CHD8: variants seen among roughly 807,000 people sequenced by gnomAD.
The protein encoded by CHD8 is ATP-dependent chromatin remodeler CHD8.
CHD8 carries 31 observed loss-of-function variants against 279.2 expected under a neutral mutation model. That is an observed-to-expected ratio of 0.11 (90% confidence interval 0.08 to 0.15). The LOEUF is 0.15. CHD8 is among the 10% of genes least tolerant of loss of function. The probability of loss-of-function intolerance (pLI) is 1.00; values close to 1 mark genes in which losing one functional copy is unlikely to be tolerated. For synonymous variants in CHD8, 1,081 were observed against 1,139.6 expected, an observed-to-expected ratio of 0.95 and a Z score of 1.04; for missense variants, 2,146 against 3,230.5, an observed-to-expected ratio of 0.66 and a Z score of 8.14.
At position 21,400,937 on chromosome 14, in the gene CHD8, G is replaced by C. The variant is rs114613223; in HGVS notation, c.4308C>G (p.Asp1436Glu). 2 of 1,613,856 alleles carry C rather than the reference G, an allele frequency of 1.2e-6. No homozygotes were observed. Among genetic ancestry groups the C allele is most frequent in the Admixed American group, 3.3e-5 (2 of 59,998 alleles). ...DDERPRSRRH[D>E]RHHAYGRTDC... ...CAGTGCGCCCATAGGCATGATGACGGTCATGTCTGCGGGAGCGTGGCCGCT... is the reference window on the plus strand; with the variant it reads ...CAGTGCGCCCATAGGCATGATGACGCTCATGTCTGCGGGAGCGTGGCCGCT... Residue 1436 changes from aspartate to glutamate, a missense_variant, in exon 22 of 38, where the codon GAC (aspartate) becomes GAG (glutamate). Physicochemically the swap from Asp to Glu is conservative, Grantham distance 45. Around this residue, in one of 26 missense-constraint regions of CHD8, gnomAD observed 74 missense variants for 91.5 expected, o/e 0.81. Transcript: ENST00000646647. This position sits in a 1 kb window ranked among gnomAD's most constrained non-coding sequence, Gnocchi z 4.2.
rs1890259719 is a variant in CHD8, at chr14:21,451,630, T to TCTATGC, written c.-216+4396_-216+4401dup. Among the ~76,000 whole-genome samples, 3 of 148,640 alleles carry TCTATGC rather than the reference T, an allele frequency of 2.0e-5. No homozygotes were observed. The South Asian group carries it at 6.6e-4, about 33-fold the overall frequency. On this transcript the variant is annotated intron_variant, in intron 1 of 37. Transcript: ENST00000646647. ...ATTATCTATGCCAGGCTAATTTCTA[T>TCTATGC]CTATGCCTGCTGGAATTTTTATTAT...
At chr14:21,436,940 C>G (rs962977815) in intron 1 of CHD8, 2 of 1,288,170 alleles carry the variant, frequency 1.6e-6, no homozygotes, top group Non-Finnish European at 2.0e-6. Flanking sequence ...AAGGTCCATA[C>G]AGCAGAGGCG....
chr14:21,401,921 T>C (rs1888056870), intron 20 of CHD8, 36 bp downstream of exon 20: 1 of 1,547,834 alleles, frequency 6.5e-7, no homozygotes, highest in Non-Finnish European at 8.8e-7. Flanking sequence ...TTCCGGTCTC[T>C]GTGTTTTTCT....
intron 1 of CHD8, chr14:21,437,212 G>GC (rs982523970): frequency 8.5e-7 from 1 of 1,182,088 alleles, no homozygotes; most frequent in African/African-American, 1.6e-5. Flanking sequence ...GCTGTGGGGG[G>GC]CCGGTTCGCC....
At chr14:21,451,170 A>G in intron 1 of CHD8, among the ~76,000 whole-genome samples, 1 of 152,164 alleles carries the variant, frequency 6.6e-6, no homozygotes, top group East Asian at 1.9e-4. Flanking sequence ...AGAATATACT[A>G]CAGGAAAATC....
rs978795164 is a variant in CHD8 at position 21,393,688 on chromosome 14, G to C, written c.6107C>G (p.Pro2036Arg). The C allele has an allele frequency of 1.9e-6, 3 of 1,614,000 alleles. No homozygotes were observed. The highest frequency in any genetic ancestry group is 1.7e-6 in the Non-Finnish European group (2 of 1,179,888). Residue 2036 changes from proline to arginine, a missense_variant, in exon 32 of 38, where the codon CCA becomes CGA. By Grantham distance (103) the Pro-to-Arg change is moderately radical (BLOSUM62 -2). Coordinates refer to ENST00000646647, the MANE Select transcript of CHD8 (RefSeq NM_001170629.2). Reference protein sequence around the residue: ...LEHEVVARSRPTPQDYEMRVS... With the variant: ...LEHEVVARSRRTPQDYEMRVS... ...TCGCATCTCATAGTCTTGTGGGGTT[G>C]GTCGGCTCCTGGCCACCACCTCGTG...
intron 3 of CHD8, 93 bp downstream of exon 3, chr14:21,428,871 C>G: frequency 8.8e-7 from 1 of 1,129,948 alleles, no homozygotes. Context: ...TCTAGAATGG[C>G]CCCACATTCA....
At chr14:21,392,991 T>A in intron 33 of CHD8, 115 bp downstream of exon 33, 1 of 1,259,180 alleles carries the variant, frequency 7.9e-7, no homozygotes, top group Non-Finnish European at 1.1e-6. Context: ...AAAAAAAAAC[T>A]TGCAGCAATA....
rs200436134 is a variant in CHD8 at position 21,408,860 on chromosome 14, G to A, written c.2365-35C>T. The A allele has an allele frequency of 1.6e-4, 252 of 1,585,834 alleles. 1 individual carries two copies. The highest frequency in any genetic ancestry group is 2.1e-4 in the Non-Finnish European group (240 of 1,165,456). On this transcript the variant is annotated intron_variant, in intron 11 of 37. Coordinates refer to ENST00000646647, the MANE Select transcript of CHD8 (RefSeq NM_001170629.2). This position sits in a 1 kb window ranked among gnomAD's most constrained non-coding sequence, Gnocchi z 4.3. ...AAGACGTTTGAATAAATGGAGTGGA[G>A]ACATTATCAAAAGGTAAGACTTACT... is the stretch of plus-strand genomic sequence containing the variant.
chr14:21,390,705 C>A (rs563946837), intron 37 of CHD8, among the ~76,000 whole-genome samples: 1 of 148,536 alleles, frequency 6.7e-6, no homozygotes, highest in African/African-American at 2.5e-5. Context: ...TTGAACCCGG[C>A]GGGCGGAGGT....
At chr14:21,426,399 A>G (rs1192023396) in intron 4 of CHD8, 157 bp from the exon 5 acceptor site, 2 of 584,930 alleles carry the variant, frequency 3.4e-6, no homozygotes, top group Admixed American at 3.2e-5. Flanking sequence ...TGGTGTTTGA[A>G]AAAAAGAAGA....
intron 5 of CHD8, among the ~76,000 whole-genome samples, chr14:21,419,114 C>T (rs1188492697): frequency 6.6e-6 from 1 of 152,152 alleles, no homozygotes; most frequent in Non-Finnish European, 1.5e-5. Context: ...TAGAGAATAA[C>T]AATTTCTAGA....
At chr14:21,443,868 A>AC (rs1566455021) in intron 1 of CHD8, among the ~76,000 whole-genome samples, 4 of 151,680 alleles carry the variant, frequency 2.6e-5, no homozygotes, top group African/African-American at 7.3e-5. Flanking sequence ...AAAAAAAAAA[A>AC]AAAAAAAAAA....
chr14:21,385,262 T>C lies in CHD8; in HGVS notation c.*351A>G, dbSNP rs767858164. On this transcript the variant is annotated 3_prime_UTR_variant, in exon 38 of 38. Transcript: ENST00000646647. ...AGGTAACAGTTCCTGACCCTCCAGCTGTATCCACAGTTCGGCCAGGAACAG... is the reference window on the plus strand; with the variant it reads ...AGGTAACAGTTCCTGACCCTCCAGCCGTATCCACAGTTCGGCCAGGAACAG... 17 of 267,140 alleles carry C rather than the reference T, an allele frequency of 6.4e-5. No individual in the cohort carries two copies. The highest frequency in any genetic ancestry group is 9.2e-5 in the Non-Finnish European group (13 of 140,886). 16.5% of individuals were successfully genotyped at this position (267,140 alleles called of 1,614,324 possible).
rs778721199 is a variant in CHD8 at position 21,431,637 on chromosome 14, C to T, written c.7G>A (p.Asp3Asn). Reference protein sequence around the residue: MADPIMDLFDDPN... With the variant: MANPIMDLFDDPN... Reference sequence around the variant, plus strand: ...TCATCGAACAGATCCATGATGGGGTCTGCCATCTTGGGAAAGTAATGGAGG... The same window carrying T: ...TCATCGAACAGATCCATGATGGGGTTTGCCATCTTGGGAAAGTAATGGAGG... Residue 3 changes from aspartate (D) to asparagine (N), a missense_variant, in exon 2 of 38, where the codon GAC becomes AAC. Asp to Asn is a conservative substitution (Grantham distance 23, BLOSUM62 1). Around this residue, in one of 26 missense-constraint regions of CHD8, gnomAD observed 302 missense variants for 325.5 expected, o/e 0.93. Coordinates refer to ENST00000646647, the MANE Select transcript of CHD8 (RefSeq NM_001170629.2). 6.5e-7 allele frequency: 1 copy of T among 1,541,554 alleles called. No homozygotes were observed. Among genetic ancestry groups the T allele is most frequent in the Non-Finnish European group, 8.7e-7 (1 of 1,147,278 alleles).
In CHD8 at chr14:21,405,834, A is replaced by G. The variant is rs763485934; in HGVS notation, c.2938T>C (p.Leu980=). 2 of 1,613,828 alleles carry G rather than the reference A, an allele frequency of 1.2e-6. No homozygotes were observed. The highest frequency in any genetic ancestry group is 2.2e-5 in the East Asian group (1 of 44,874). ...EHKVLLTGTP[L]QNTVEELFSL... ...AACAGTTCTTCTACAGTATTTTGCAATGGTGTTCCTGTGAGTAGCACCTTG... is the reference window on the plus strand; with the variant it reads ...AACAGTTCTTCTACAGTATTTTGCAGTGGTGTTCCTGTGAGTAGCACCTTG... The change falls in exon 15 of 38, where the codon TTG becomes CTG. Residue 980 remains leucine, a synonymous_variant. Transcript: ENST00000646647. The surrounding 1 kb of genome is among the most constrained non-coding windows in gnomAD (Gnocchi z 4.2).
rs1049334349 is a variant in CHD8 at position 21,403,839 on chromosome 14, C to A, written c.3308-176G>T. ...ATCGGCTGGGTACGGTGGCTCATGC[C>A]TGTAATCCCAACACTTTGGGAGGCC... On this transcript the variant is annotated intron_variant, in intron 16 of 37. Transcript: ENST00000646647. This position sits in a 1 kb window ranked among gnomAD's most constrained non-coding sequence, Gnocchi z 4.3. Among the ~76,000 whole-genome samples, 1 of 152,176 alleles carries A rather than the reference C, an allele frequency of 6.6e-6. No individual in the cohort carries two copies. The highest frequency in any genetic ancestry group is 1.5e-5 in the Non-Finnish European group (1 of 68,040).
At chr14:21,437,206 TG>T in intron 1 of CHD8, 1 of 1,183,078 alleles carries the variant, frequency 8.5e-7, no homozygotes, top group South Asian at 1.5e-5. Context: ...GCAGTGGCTG[TG>T]GGGGGCCGGT....
Position 21,408,886 on chromosome 14 carries a change from A to T in CHD8, c.2365-61T>A. ...ACATTATCAAAAGGTAAGACTTACT[A>T]GGTAAGTTCTAATAGTTAAAATCAA... On this transcript the variant is annotated intron_variant, in intron 11 of 37. Transcript: ENST00000646647. The surrounding 1 kb of genome is among the most constrained non-coding windows in gnomAD (Gnocchi z 4.3). The T allele has an allele frequency of 6.6e-7, 1 of 1,506,684 alleles. No homozygotes were observed. The highest frequency in any genetic ancestry group is 9.0e-7 in the Non-Finnish European group (1 of 1,106,934). 93.3% of individuals were successfully genotyped at this position (1,506,684 alleles called of 1,614,324 possible). A position where few individuals can be genotyped will look rare whatever the true frequency, so the allele number is the denominator to read the frequency against.
Sources: gnomAD v4.1 joint callset for allele counts (sites outside exome capture counted in the v4.1 genomes callset) on GRCh38, gnomAD v4.1.1 for gene constraint, gnomAD v4.1.1 regional missense constraint, Gnocchi (gnomAD v3.1) non-coding constraint, MANE v1.5 for transcripts, NCBI Gene and HGNC (gene_info 2026-07-23, HGNC 2026-07-21) for gene names.